STX3: variants seen among roughly 807,000 people sequenced by gnomAD.
The protein encoded by STX3 is syntaxin 3.
A neutral mutation model predicts 40.2 loss-of-function variants in STX3; 19 were observed. That is an observed-to-expected ratio of 0.47 (90% CI 0.33 to 0.69). The LOEUF (loss-of-function observed/expected upper bound fraction) is 0.69. Among genes scored for constraint, STX3 ranks in the 30% least tolerant of loss-of-function variants. The pLI is 0.02. For missense variants in STX3, 364 were observed against 366.7 expected, an observed-to-expected ratio of 0.99 and a Z score of 0.06; for synonymous variants, 122 against 132.2, an observed-to-expected ratio of 0.92 and a Z score of 0.53.
At position 59,799,863 on chromosome 11, in the gene STX3, C is replaced by T. The variant is rs982663981; in HGVS notation, c.*31-992C>T. 3.9e-5 allele frequency: 38 copies of T among 985,150 alleles called. No homozygotes were observed. In the African/African-American group the frequency reaches 5.1e-4, roughly 13 times the overall value. 61.0% of individuals were successfully genotyped at this position (985,150 alleles called of 1,614,324 possible). On this transcript the variant is annotated intron_variant, in intron 10 of 10. Transcript: ENST00000337979. ...CTGGCACTTGGAGTCTAGCCCTTGA[C>T]TTTTTTGTATGTGAACTTTAAATTT...
chr11:59,790,479 C>G, intron 4 of STX3, 40 bp from the exon 5 acceptor site: 3 of 1,466,780 alleles, frequency 2.0e-6, no homozygotes, highest in Non-Finnish European at 2.9e-6. Flanking sequence ...TTCTTGGAGG[C>G]GGAGATAGGT....
At chr11:59,766,461 G>T (rs561362426) in intron 1 of STX3, among the ~76,000 whole-genome samples, 2 of 152,298 alleles carry the variant, frequency 1.3e-5, no homozygotes, top group South Asian at 4.1e-4. Flanking sequence ...GTAAAGCTCT[G>T]TAGATTGAAG....
intron 8 of STX3, 141 bp downstream of exon 8, chr11:59,793,655 T>A: frequency 1.7e-6 from 2 of 1,183,492 alleles, no homozygotes; most frequent in South Asian, 1.7e-5. Flanking sequence ...AGAAACAGAA[T>A]CCCATGGGAA....
At chr11:59,793,307 C>G in intron 7 of STX3, 73 bp from the exon 8 acceptor site, 1 of 1,602,758 alleles carries the variant, frequency 6.2e-7, no homozygotes, top group South Asian at 1.1e-5. Flanking sequence ...TCCCCAGGAG[C>G]GTGCATGAGG....
intron 2 of STX3, among the ~76,000 whole-genome samples, chr11:59,773,743 GC>G (rs1265967983): frequency 1.3e-5 from 2 of 152,158 alleles, no homozygotes; most frequent in African/African-American, 4.8e-5. Context: ...ACTTTGGGAG[GC>G]CAAGGCAGGT....
chr11:59,792,323 A>G (rs1469081289), intron 6 of STX3, 108 bp downstream of exon 6: 2 of 862,562 alleles, frequency 2.3e-6, no homozygotes, highest in African/African-American at 3.3e-5. Flanking sequence ...TTTTGTGCCT[A>G]AGTCTAGGGC....
In STX3 at chr11:59,793,399, C is replaced by G. The variant is rs772115088; in HGVS notation, c.560C>G (p.Ser187Cys). Reference protein sequence around the residue: ...FTSGIIDSQISKQALSEIEGR... With the variant: ...FTSGIIDSQICKQALSEIEGR... ...TTGTAGATCATTGACTCACAGATTT[C>G]CAAGCAAGCCCTCAGTGAGATTGAG... is the stretch of plus-strand genomic sequence containing the variant. The change falls in exon 8 of 11, where the codon TCC (serine) becomes TGC (cysteine). Residue 187 changes from serine (S) to cysteine (C), a missense_variant. Physicochemically the swap from Ser to Cys is moderately radical, Grantham distance 112. Transcript: ENST00000337979. 1.2e-6 allele frequency: 2 copies of G among 1,613,802 alleles called. No individual in the cohort carries two copies. Among genetic ancestry groups the G allele is most frequent in the East Asian group, 2.2e-5 (1 of 44,876 alleles).
chr11:59,760,073 C>T (rs772883151), intron 1 of STX3, among the ~76,000 whole-genome samples: 5 of 152,118 alleles, frequency 3.3e-5, no homozygotes, highest in Non-Finnish European at 7.3e-5. Flanking sequence ...TGTGAGCAGA[C>T]GGGAACCAGA....
rs558404257 is a variant in STX3, at chr11:59,799,152, AG to A, written c.*31-1702del. ...CGATCCACTTGCCTTGGCCTCCCAAAGTGCTGGGATTACAGGCATGAGCCAC... is the reference window on the plus strand; with the variant it reads ...CGATCCACTTGCCTTGGCCTCCCAAATGCTGGGATTACAGGCATGAGCCAC... On this transcript the variant is annotated intron_variant, in intron 10 of 10. Coordinates refer to ENST00000337979, the MANE Select transcript of STX3 (RefSeq NM_004177.5). Among the ~76,000 whole-genome samples the A allele has an allele frequency of 1.1e-4, 16 of 152,126 alleles. No homozygotes were observed. In the South Asian group the frequency reaches 3.3e-3, roughly 32 times the overall value.
At chr11:59,797,648 C>T (rs1182459464) in intron 10 of STX3, among the ~76,000 whole-genome samples, 1 of 152,138 alleles carries the variant, frequency 6.6e-6, no homozygotes, top group Non-Finnish European at 1.5e-5. Context: ...GTCGTATTAC[C>T]ACTTCTCCCA....
At chr11:59,769,528 G>T (rs372285322) in intron 1 of STX3, among the ~76,000 whole-genome samples, 3 of 152,178 alleles carry the variant, frequency 2.0e-5, no homozygotes, top group African/African-American at 4.8e-5. Context: ...GGAAACAGCA[G>T]GTTTTGGATC....
intron 1 of STX3, among the ~76,000 whole-genome samples, chr11:59,771,055 C>T (rs979724790): frequency 3.3e-5 from 5 of 152,122 alleles, no homozygotes; most frequent in African/African-American, 9.7e-5. Flanking sequence ...TTGATCGACT[C>T]CCCCAAATCA....
chr11:59,781,562 G>C (rs1384200686), intron 2 of STX3: 1 of 1,613,520 alleles, frequency 6.2e-7, no homozygotes, highest in African/African-American at 1.3e-5. Context: ...CAGTTTTTAT[G>C]GTGAGGTTTT....
At position 59,763,282 on chromosome 11, in the gene STX3, G is replaced by A. The variant is rs1480090380; in HGVS notation, c.30+7647G>A. ...ATCTTGGCTGTGTTCCTTACTGTGT[G>A]ATTCTGGATGAATTAACCTTCCTAG... On this transcript the variant is annotated intron_variant, in intron 1 of 10. Coordinates refer to ENST00000337979, the MANE Select transcript of STX3 (RefSeq NM_004177.5). Among the ~76,000 whole-genome samples the A allele has an allele frequency of 2.0e-5, 3 of 152,160 alleles. No homozygotes were observed. In the East Asian group the frequency reaches 5.8e-4, roughly 29 times the overall value.
At chr11:59,758,104 C>G (rs1862829386) in intron 1 of STX3, among the ~76,000 whole-genome samples, 1 of 152,000 alleles carries the variant, frequency 6.6e-6, no homozygotes, top group South Asian at 2.1e-4. Context: ...GCTTTCCGTG[C>G]CTGTGATTGA....
At chr11:59,784,340 TTCCC>T (rs2134981407) in intron 2 of STX3, among the ~76,000 whole-genome samples, 1 of 152,368 alleles carries the variant, frequency 6.6e-6, no homozygotes, top group Non-Finnish European at 1.5e-5. Context: ...GAAAGCCTTT[TTCCC>T]TCCCTCAATC....
chr11:59,787,292 T>G (rs1479584878), intron 3 of STX3, among the ~76,000 whole-genome samples, 156 bp downstream of exon 3: 1 of 152,156 alleles, frequency 6.6e-6, no homozygotes, highest in Non-Finnish European at 1.5e-5. Context: ...TTACCTTACC[T>G]GAGCTCCTAC....
intron 10 of STX3, chr11:59,800,393 T>G (rs1865814218): frequency 1.0e-6 from 1 of 985,268 alleles, no homozygotes; most frequent in African/African-American, 1.7e-5. Context: ...ACATAGCTCA[T>G]AAGGTGGAGC....
At chr11:59,796,736 C>T (rs562685044) in intron 9 of STX3, among the ~76,000 whole-genome samples, 1 of 152,320 alleles carries the variant, frequency 6.6e-6, no homozygotes, top group Admixed American at 6.5e-5. Context: ...ATATACAGAA[C>T]TGCAGTGTGA....
Sources: allele counts gnomAD v4.1 joint callset (sites outside exome capture counted in the v4.1 genomes callset), GRCh38; gene constraint gnomAD v4.1.1; transcripts MANE v1.5; gene names NCBI Gene and HGNC (gene_info 2026-07-23, HGNC 2026-07-21).